CTNNA3: variants seen among roughly 807,000 people sequenced by gnomAD.
The protein encoded by CTNNA3 is catenin alpha-3.
A neutral mutation model predicts 95.7 loss-of-function variants in CTNNA3; 76 were observed. The observed-to-expected ratio is 0.79, with a 90% CI of 0.66 to 0.96. The LOEUF (loss-of-function observed/expected upper bound fraction) is 0.96. Ranked by LOEUF, CTNNA3 falls within the 40% of genes least tolerant of loss-of-function variation. CTNNA3 has a pLI of 0.00. For missense variants in CTNNA3, 1,191 were observed against 1,089.8 expected, an observed-to-expected ratio of 1.09 and a Z score of -1.31; for synonymous variants, 431 against 374.4, an observed-to-expected ratio of 1.15 and a Z score of -1.74.
intron 7 of CTNNA3, among the ~76,000 whole-genome samples, chr10:66,989,691 ATTTAAAT>A (rs1292013386): frequency 6.6e-6 from 1 of 152,184 alleles, no homozygotes; most frequent in African/African-American, 2.4e-5. Context: ...AAGACTACTT[ATTTAAAT>A]TTTAAAAGAA....
intron 10 of CTNNA3, among the ~76,000 whole-genome samples, chr10:66,554,259 T>C: frequency 6.6e-6 from 1 of 152,154 alleles, no homozygotes; most frequent in East Asian, 1.9e-4. Context: ...TAGTTGCCTT[T>C]TTTCCCCTGA....
At chr10:66,623,352 G>A (rs1256225016) in intron 9 of CTNNA3, among the ~76,000 whole-genome samples, 1 of 151,904 alleles carries the variant, frequency 6.6e-6, no homozygotes, top group East Asian at 1.9e-4. Context: ...TAAAAAACTG[G>A]CCCTATGTAG....
rs114329590 is a variant in CTNNA3 at position 66,466,812 on chromosome 10, T to C, written c.1531+53805A>G. Among the ~76,000 whole-genome samples, 1,029 of 152,252 alleles carry C rather than the reference T, an allele frequency of 6.8e-3. 12 individuals are homozygous for C. Among genetic ancestry groups the C allele is most frequent in the African/African-American group, 0.024 (983 of 41,576 alleles). On this transcript the variant is annotated intron_variant, in intron 11 of 17. Transcript: ENST00000433211. ...AATCAAAATCTACATATTAGTAATA[T>C]GCCAGGTGATTCATGTGCATGTCAA... is the stretch of plus-strand genomic sequence containing the variant.
intron 10 of CTNNA3, among the ~76,000 whole-genome samples, chr10:66,524,331 T>C (rs1283655858): frequency 6.6e-6 from 1 of 152,180 alleles, no homozygotes; most frequent in Non-Finnish European, 1.5e-5. Flanking sequence ...ATACTAAACA[T>C]GTTAATTACC....
chr10:67,610,186 C>G (rs1843412904), intron 2 of CTNNA3, among the ~76,000 whole-genome samples: 1 of 152,178 alleles, frequency 6.6e-6, no homozygotes, highest in Non-Finnish European at 1.5e-5. Flanking sequence ...TGTTCAGATC[C>G]TCCATGCGCC....
chr10:66,424,795 G>T (rs1038014603), intron 11 of CTNNA3, among the ~76,000 whole-genome samples: 9 of 152,092 alleles, frequency 5.9e-5, no homozygotes, highest in African/African-American at 2.2e-4. Context: ...GGGATGACTT[G>T]TTCAAATCTT....
At chr10:67,036,081 T>C (rs1854033566) in intron 7 of CTNNA3, among the ~76,000 whole-genome samples, 1 of 152,190 alleles carries the variant, frequency 6.6e-6, no homozygotes, top group Non-Finnish European at 1.5e-5. Context: ...CTTATTTCTA[T>C]TAGAGATATT....
intron 7 of CTNNA3, among the ~76,000 whole-genome samples, chr10:67,093,555 A>C (rs927664989): frequency 6.6e-6 from 1 of 151,920 alleles, no homozygotes; most frequent in African/African-American, 2.4e-5. Flanking sequence ...AGGGATCTAC[A>C]AGGTTGAGTC....
At chr10:67,342,684 T>C (rs538189179) in intron 5 of CTNNA3, among the ~76,000 whole-genome samples, 6 of 152,324 alleles carry the variant, frequency 3.9e-5, no homozygotes, top group East Asian at 1.9e-4. Flanking sequence ...GCAGCATTTA[T>C]TGAAGAGACT....
intron 5 of CTNNA3, among the ~76,000 whole-genome samples, chr10:67,333,490 G>A (rs1375507852): frequency 6.6e-6 from 1 of 152,114 alleles, no homozygotes; most frequent in African/African-American, 2.4e-5. Flanking sequence ...GTTTTATGCT[G>A]GGTTGGATTT....
At chr10:66,821,848 A>G (rs966829270) in intron 7 of CTNNA3, among the ~76,000 whole-genome samples, 1 of 152,164 alleles carries the variant, frequency 6.6e-6, no homozygotes, top group Non-Finnish European at 1.5e-5. Flanking sequence ...TTCAAGACAG[A>G]CACAAGAATT....
chr10:66,495,021 A>G (rs2131947318), intron 11 of CTNNA3, among the ~76,000 whole-genome samples: 1 of 152,314 alleles, frequency 6.6e-6, no homozygotes, highest in Non-Finnish European at 1.5e-5. Context: ...GCAGAGGGGA[A>G]TGGGTGAATG....
intron 15 of CTNNA3, among the ~76,000 whole-genome samples, chr10:66,046,791 T>G (rs750052007): frequency 4.7e-4 from 72 of 152,200 alleles, no homozygotes; most frequent in Admixed American, 9.8e-4. Context: ...GGTAATGTTA[T>G]TATTGGCCCC....
At chr10:66,419,970 C>T (rs556923443) in intron 11 of CTNNA3, among the ~76,000 whole-genome samples, 2 of 152,106 alleles carry the variant, frequency 1.3e-5, no homozygotes, top group South Asian at 2.1e-4. Flanking sequence ...TTCCAACAGT[C>T]GTCTAGGAAA....
chr10:66,736,059 G>C (rs1849125829), intron 9 of CTNNA3, among the ~76,000 whole-genome samples: 1 of 152,198 alleles, frequency 6.6e-6, no homozygotes, highest in Non-Finnish European at 1.5e-5. Context: ...CCAACCTGCA[G>C]AGTGCAGTTG....
At chr10:67,350,141 T>C (rs774708869) in intron 5 of CTNNA3, among the ~76,000 whole-genome samples, 1 of 151,992 alleles carries the variant, frequency 6.6e-6, no homozygotes, top group South Asian at 2.1e-4. Context: ...CAAACTGAGG[T>C]TTAGCTATAT....
chr10:66,033,064 T>C (rs2133462878), intron 15 of CTNNA3, among the ~76,000 whole-genome samples: 1 of 152,252 alleles, frequency 6.6e-6, no homozygotes, highest in African/African-American at 2.4e-5. Flanking sequence ...TCTGTAGGCC[T>C]AGTTCAAGTG....
intron 7 of CTNNA3, among the ~76,000 whole-genome samples, chr10:67,123,065 G>T (rs951091773): frequency 6.6e-6 from 1 of 152,104 alleles, no homozygotes; most frequent in African/African-American, 2.4e-5. Context: ...AATACAATTT[G>T]GAAAGGCTCA....
intron 17 of CTNNA3, among the ~76,000 whole-genome samples, chr10:65,930,872 G>T (rs1478361282): frequency 2.6e-5 from 4 of 152,000 alleles, no homozygotes; most frequent in Non-Finnish European, 5.9e-5. Context: ...TATTTTGTTG[G>T]GAAAATAGAG....
Sources: allele counts gnomAD v4.1 joint callset (sites outside exome capture counted in the v4.1 genomes callset), GRCh38; gene constraint gnomAD v4.1.1; transcripts MANE v1.5; gene names NCBI Gene and HGNC (gene_info 2026-07-23, HGNC 2026-07-21).